The following NPM1 variants were observed in gnomAD, a reference collection of about 807,000 sequenced individuals.
NPM1 encodes the protein nucleophosmin.
A neutral mutation model predicts 44.1 loss-of-function variants in NPM1; 1 was observed. The observed-to-expected ratio is 0.02, with a 90% CI of 0.01 to 0.11. The LOEUF (loss-of-function observed/expected upper bound fraction) is 0.11. Ranked by LOEUF, NPM1 falls within the 10% of genes least tolerant of loss-of-function variation. NPM1 has a pLI of 1.00. For missense variants in NPM1, 197 were observed against 347.8 expected (o/e 0.57, Z 3.45); for synonymous variants, 126 against 111.8 (o/e 1.13, Z -0.80).
intron 8 of NPM1, among the ~76,000 whole-genome samples, chr5:171,404,208 T>C (rs1181472005): frequency 1.1e-5 from 1 of 92,180 alleles, no homozygotes; most frequent in African/African-American, 4.4e-5. Context: ...CCCTCCCAGA[T>C]AGGGCGGCTG....
At chr5:171,402,143 T>G in intron 8 of NPM1, among the ~76,000 whole-genome samples, 1 of 150,512 alleles carries the variant, frequency 6.6e-6, no homozygotes, top group Non-Finnish European at 1.5e-5. Context: ...ATCTATTGAC[T>G]AAATGTAACT....
rs552947652 is a variant in NPM1 at position 171,391,589 on chromosome 5, T to C, written c.259-117T>C. On this transcript the variant is annotated intron_variant, in intron 3 of 10. Coordinates refer to ENST00000296930, the MANE Select transcript of NPM1 (RefSeq NM_002520.7). ...AACATGGGGGCTTCTGCTGCTACTT[T>C]TATCAGAGGTGGAAAAACAGGTTCA... 5.3e-6 allele frequency: 6 copies of C among 1,123,772 alleles called. No individual in the cohort carries two copies. In the African/African-American group the frequency reaches 7.8e-5, roughly 15 times the overall value. 69.6% of individuals were successfully genotyped at this position (1,123,772 alleles called of 1,614,324 possible).
At chr5:171,406,711 ATATT>A in intron 9 of NPM1, 1 of 1,186,608 alleles carries the variant, frequency 8.4e-7, no homozygotes, top group Non-Finnish European at 1.0e-6. Context: ...TGCTCAATAA[ATATT>A]TGAATGCATC....
intron 10 of NPM1, among the ~76,000 whole-genome samples, chr5:171,408,805 A>G (rs1771689587): frequency 6.6e-6 from 1 of 152,238 alleles, no homozygotes. Flanking sequence ...AAAGTCAGAC[A>G]TAAATAACCA....
intron 1 of NPM1, 41 bp from the exon 2 acceptor site, chr5:171,390,010 A>G (rs768831730): frequency 4.0e-6 from 5 of 1,250,048 alleles, no homozygotes; most frequent in South Asian, 2.7e-5. Flanking sequence ...TTTCAGTGTT[A>G]TTTTTCTCCT....
Position 171,391,106 on chromosome 5 carries a change from G to A in NPM1, c.139-199G>A. On this transcript the variant is annotated intron_variant, in intron 2 of 10. Coordinates refer to ENST00000296930, the MANE Select transcript of NPM1 (RefSeq NM_002520.7). ...TAACACTGTACAGGTTTGTAGCCTA[G>A]GTGTGTGTAGTAGGCTATACCATCT... 5 of 569,014 alleles carry A rather than the reference G, an allele frequency of 8.8e-6. No individual in the cohort carries two copies. The South Asian group carries it at 9.0e-5, about 10-fold the overall frequency. 35.2% of individuals were successfully genotyped at this position (569,014 alleles called of 1,614,324 possible). A position where few individuals can be genotyped will look rare whatever the true frequency, so the allele number is the denominator to read the frequency against.
rs1771788547 is a variant in NPM1 at position 171,410,734 on chromosome 5, T to C, written c.*169T>C. ...GAATGTGTTGTCCAAAATGCCTGTT[T>C]AGTTTTTAAAGATGGAACTCCACCC... On this transcript the variant is annotated 3_prime_UTR_variant, in exon 11 of 11. Transcript: ENST00000296930. The C allele has an allele frequency of 3.9e-6, 2 of 512,164 alleles. No individual in the cohort carries two copies. The highest frequency in any genetic ancestry group is 6.8e-6 in the Non-Finnish European group (2 of 292,616). The allele number at this position is 512,164 out of a possible 1,614,324, so 31.7% of individuals were successfully genotyped here.
intron 1 of NPM1, among the ~76,000 whole-genome samples, chr5:171,389,841 A>T (rs531947396): frequency 6.6e-6 from 1 of 152,340 alleles, no homozygotes; most frequent in African/African-American, 2.4e-5. Context: ...GAAATATGGT[A>T]TGATGAGAGA....
At chr5:171,394,041 CTTTT>C (rs144186175) in intron 6 of NPM1, among the ~76,000 whole-genome samples, 3 of 97,080 alleles carry the variant, frequency 3.1e-5, no homozygotes, top group African/African-American at 7.8e-5. Context: ...TTTTTGTTTT[CTTTT>C]TTTTTTTTTT....
chr5:171,406,177 A>G (rs1192008260), intron 9 of NPM1, among the ~76,000 whole-genome samples: 1 of 152,138 alleles, frequency 6.6e-6, no homozygotes, highest in Admixed American at 6.5e-5. Context: ...CTTGTAATCT[A>G]TAGATTTTTC....
intron 8 of NPM1, among the ~76,000 whole-genome samples, chr5:171,403,655 C>A (rs1449436477): frequency 2.1e-5 from 3 of 140,096 alleles, no homozygotes; most frequent in African/African-American, 5.3e-5. Flanking sequence ...CCCCACCTCC[C>A]TCCCGGACGG....
intron 8 of NPM1, 106 bp downstream of exon 8, chr5:171,401,031 C>G: frequency 1.3e-6 from 1 of 762,216 alleles, no homozygotes; most frequent in Non-Finnish European, 2.3e-6. Flanking sequence ...TTTATAGAAC[C>G]CCTGTAATTG....
At chr5:171,403,389 G>C (rs1441822456) in intron 8 of NPM1, among the ~76,000 whole-genome samples, 2 of 104,590 alleles carry the variant, frequency 1.9e-5, no homozygotes, top group African/African-American at 3.6e-5. Context: ...AAAATGAAAA[G>C]TCTCCCATGT....
chr5:171,391,188 A>G (rs1770558743), intron 2 of NPM1, 117 bp from the exon 3 acceptor site: 5 of 1,182,658 alleles, frequency 4.2e-6, no homozygotes, highest in Non-Finnish European at 2.4e-6. Flanking sequence ...CTAACAACAC[A>G]TTTCTCAGAA....
At position 171,387,910 on chromosome 5, in the gene NPM1, G is replaced by A. The variant is rs1339506108; in HGVS notation, c.-39G>A. 1.9e-6 allele frequency: 3 copies of A among 1,595,562 alleles called. No individual in the cohort carries two copies. The highest frequency in any genetic ancestry group is 2.7e-5 in the African/African-American group (2 of 74,618). On this transcript the variant is annotated 5_prime_UTR_variant, in exon 1 of 11. Transcript: ENST00000296930. ...TCTGGAGCAGCGTTCTTTTATCTCC[G>A]TCCGCCTTCTCTCCTACCTAAGTGC...
intron 8 of NPM1, 62 bp downstream of exon 8, chr5:171,400,987 G>A (rs2113235699): frequency 8.9e-7 from 1 of 1,128,692 alleles, no homozygotes; most frequent in Non-Finnish European, 1.4e-6. Context: ...ATTCTACTGT[G>A]GAAGAATCTA....
chr5:171,392,431 A>G (rs573006553), intron 4 of NPM1, among the ~76,000 whole-genome samples: 1 of 152,184 alleles, frequency 6.6e-6, no homozygotes, highest in South Asian at 2.1e-4. Context: ...TATGTTGCCC[A>G]GATTGGACTC....
At chr5:171,404,051 A>ACCTC (rs1771416951) in intron 8 of NPM1, among the ~76,000 whole-genome samples, 3 of 42,670 alleles carry the variant, frequency 7.0e-5, no homozygotes, top group African/African-American at 1.1e-4. Flanking sequence ...GGCAACCCTC[A>ACCTC]CCTCCCGGAC....
At position 171,388,020 on chromosome 5, in the gene NPM1, G is replaced by T. The variant is rs1406977432; in HGVS notation, c.58+14G>T. 4.3e-6 allele frequency: 7 copies of T among 1,611,000 alleles called. No individual in the cohort carries two copies. The African/African-American group carries it at 9.4e-5, about 22-fold the overall frequency. ...ACTATCTTTTCGGTAACTGCTGGGG[G>T]GAGCTGGAGCGAGGCCGAGCGGGGC... On this transcript the variant is annotated intron_variant, in intron 1 of 10. Coordinates refer to ENST00000296930, the MANE Select transcript of NPM1 (RefSeq NM_002520.7).
Sources: allele counts gnomAD v4.1 joint callset (sites outside exome capture counted in the v4.1 genomes callset), GRCh38; gene constraint gnomAD v4.1.1; transcripts MANE v1.5; gene names NCBI Gene and HGNC (gene_info 2026-07-23, HGNC 2026-07-21).